PMP22: variants seen among roughly 807,000 people sequenced by gnomAD.
PMP22 encodes peripheral myelin protein 22.
In PMP22, 2 loss-of-function variants were observed where a neutral mutation model predicts 18.9. That is an observed-to-expected ratio of 0.11 (90% CI 0.04 to 0.33). PMP22 has a LOEUF of 0.33. Ranked by LOEUF, PMP22 falls within the 10% of genes least tolerant of loss-of-function variation. The pLI is 1.00. For synonymous variants in PMP22, 95 were observed against 89.2 expected (o/e 1.07, Z -0.37); for missense variants, 169 against 202.2 (o/e 0.84, Z 1.00).
chr17:15,245,634 G>A (rs1219825041), intron 3 of PMP22, among the ~76,000 whole-genome samples: 1 of 152,158 alleles, frequency 6.6e-6, no homozygotes. Context: ...AGAAAACAGG[G>A]TAAACAAGCA....
chr17:15,263,244 A>G (rs1260816309), intron 1 of PMP22, among the ~76,000 whole-genome samples: 1 of 152,096 alleles, frequency 6.6e-6, no homozygotes, highest in African/African-American at 2.4e-5. Flanking sequence ...GCAAAACCAG[A>G]CTACCACCGA....
At chr17:15,255,623 G>C (rs776364244) in intron 3 of PMP22, among the ~76,000 whole-genome samples, 1 of 152,162 alleles carries the variant, frequency 6.6e-6, no homozygotes, top group Non-Finnish European at 1.5e-5. Context: ...ATCATTTGAA[G>C]ATGTTCTCTT....
chr17:15,255,087 G>A (rs369034930), intron 3 of PMP22, among the ~76,000 whole-genome samples: 1 of 152,196 alleles, frequency 6.6e-6, no homozygotes, highest in Non-Finnish European at 1.5e-5. Flanking sequence ...CAGAGCCCAG[G>A]ATGCAGCAGA....
intron 3 of PMP22, among the ~76,000 whole-genome samples, chr17:15,246,327 G>T (rs773786110): frequency 1.4e-4 from 21 of 152,218 alleles, no homozygotes; most frequent in Non-Finnish European, 2.8e-4. Flanking sequence ...ATGAGTGGGT[G>T]TGACCCATTC....
At chr17:15,232,877 GT>G in intron 4 of PMP22, among the ~76,000 whole-genome samples, 1 of 152,328 alleles carries the variant, frequency 6.6e-6, no homozygotes, top group South Asian at 2.1e-4. Context: ...ACAGCTTAAT[GT>G]GTATGACTTT....
chr17:15,232,468 A>C (rs1299077696), intron 4 of PMP22: 1 of 152,204 alleles, frequency 6.6e-6, no homozygotes, highest in African/African-American at 2.4e-5. Flanking sequence ...TGCTGGGGAC[A>C]CACTTTATTT....
intron 3 of PMP22, among the ~76,000 whole-genome samples, chr17:15,255,736 C>T (rs901215487): frequency 4.6e-5 from 7 of 152,188 alleles, no homozygotes; most frequent in African/African-American, 1.7e-4. Context: ...ATATTCTCCT[C>T]CCCGTTGCCT....
chr17:15,245,961 C>G (rs887747435), intron 3 of PMP22, among the ~76,000 whole-genome samples: 1 of 150,226 alleles, frequency 6.7e-6, no homozygotes, highest in Non-Finnish European at 1.5e-5. Flanking sequence ...TGCAGTGAGC[C>G]GAGATCGCGC....
chr17:15,262,253 A>G (rs191018849), intron 1 of PMP22, among the ~76,000 whole-genome samples: 98 of 152,268 alleles, frequency 6.4e-4, no homozygotes, highest in African/African-American at 2.3e-3. Flanking sequence ...TCCTCGTTGT[A>G]TTACTCCAAG....
intron 4 of PMP22, among the ~76,000 whole-genome samples, chr17:15,236,486 C>T (rs1472301266): frequency 2.0e-5 from 3 of 152,172 alleles, no homozygotes; most frequent in Admixed American, 6.5e-5. Flanking sequence ...CCACTTAAAA[C>T]GCTCCAGTGC....
intron 1 of PMP22, 108 bp from the exon 2 acceptor site, chr17:15,260,869 G>T (rs1388642231): frequency 2.6e-6 from 2 of 772,624 alleles, no homozygotes; most frequent in Non-Finnish European, 2.1e-6. Flanking sequence ...CTGGCCCAGC[G>T]CCCGCAGCCC....
At position 15,230,784 on chromosome 17, in the gene PMP22, C is replaced by T; in HGVS notation, c.*133G>A. ...ATCTTCAATCAACAGCAACCCCCAC[C>T]TCCACTGCTTTCTGTTTGGTTTGGT... On this transcript the variant is annotated 3_prime_UTR_variant, in exon 5 of 5. Transcript: ENST00000312280. 1.1e-6 allele frequency: 1 copy of T among 892,372 alleles called. No homozygotes were observed. Among genetic ancestry groups the T allele is most frequent in the Non-Finnish European group, 1.8e-6 (1 of 546,614 alleles). 55.3% of individuals were successfully genotyped at this position (892,372 alleles called of 1,614,324 possible).
chr17:15,241,891 T>C (rs1907353385), intron 3 of PMP22, among the ~76,000 whole-genome samples: 1 of 152,186 alleles, frequency 6.6e-6, no homozygotes, highest in Admixed American at 6.5e-5. Context: ...TTTTCAACCA[T>C]AAGCACAATA....
rs1022463378 is a variant in PMP22, at chr17:15,260,765, C to G, written c.-34-4G>C. On this transcript the variant is annotated splice_region_variant and splice_polypyrimidine_tract_variant and intron_variant, in intron 1 of 4. Coordinates refer to ENST00000312280, the MANE Select transcript of PMP22 (RefSeq NM_000304.4). The stretch of plus-strand genomic sequence containing the variant: ...TTCTGCTCAGCGGAGTTTCTGCCTG[C>G]GAGGAGAGCGCTGGGCGTGAGGCCG... 1 of 1,522,064 alleles carries G rather than the reference C, an allele frequency of 6.6e-7. No homozygotes were observed. Among genetic ancestry groups the G allele is most frequent in the Non-Finnish European group, 8.9e-7 (1 of 1,120,400 alleles). 94.3% of individuals were successfully genotyped at this position (1,522,064 alleles called of 1,614,324 possible).
chr17:15,260,222 C>T (rs572688010), intron 2 of PMP22: 38 of 264,368 alleles, frequency 1.4e-4, no homozygotes, highest in African/African-American at 8.1e-4. Flanking sequence ...CAGAAAAGCC[C>T]ATTTTAACTT....
chr17:15,254,813 G>T (rs1238613770), intron 3 of PMP22, among the ~76,000 whole-genome samples: 1 of 152,172 alleles, frequency 6.6e-6, no homozygotes, highest in Non-Finnish European at 1.5e-5. Context: ...CAAAAAATTA[G>T]CCAAGCGTGG....
chr17:15,238,135 A>T (rs565697409), intron 4 of PMP22, among the ~76,000 whole-genome samples: 1 of 152,330 alleles, frequency 6.6e-6, no homozygotes, highest in African/African-American at 2.4e-5. Context: ...AGAGCCAGCA[A>T]CCATCCAGGA....
chr17:15,231,073 G>A lies in PMP22; in HGVS notation c.327C>T (p.Cys109=), dbSNP rs863225028. The stretch of plus-strand genomic sequence containing the variant: ...TGTAGATGGCCGCAGCACTCATCAC[G>A]CACAGACCTGGGGAAGGAGAGGGAC... ...TGIFQILAGL[C]VMSAAAIYTV... The change falls in exon 5 of 5, where the codon TGC becomes TGT. Residue 109 remains cysteine (C), a synonymous_variant. Transcript: ENST00000312280. The A allele has an allele frequency of 5.0e-6, 8 of 1,613,148 alleles. No homozygotes were observed. The highest frequency in any genetic ancestry group is 2.2e-5 in the East Asian group (1 of 44,848).
chr17:15,230,773 G>A lies in PMP22; in HGVS notation c.*144C>T, dbSNP rs780587002. Reference sequence around the variant, plus strand: ...ATATTATATACATCTTCAATCAACAGCAACCCCCACCTCCACTGCTTTCTG... The same window carrying A: ...ATATTATATACATCTTCAATCAACAACAACCCCCACCTCCACTGCTTTCTG... On this transcript the variant is annotated 3_prime_UTR_variant, in exon 5 of 5. Coordinates refer to ENST00000312280, the MANE Select transcript of PMP22 (RefSeq NM_000304.4). The A allele has an allele frequency of 1.3e-6, 1 of 791,714 alleles. No individual in the cohort carries two copies. The highest frequency in any genetic ancestry group is 2.0e-5 in the Admixed American group (1 of 49,518). 49.0% of individuals were successfully genotyped at this position (791,714 alleles called of 1,614,324 possible).
Sources: allele counts gnomAD v4.1 joint callset (sites outside exome capture counted in the v4.1 genomes callset), GRCh38; gene constraint gnomAD v4.1.1; transcripts MANE v1.5; gene names NCBI Gene and HGNC (gene_info 2026-07-23, HGNC 2026-07-21).